Variants in UGT1A6 observed in about 807,000 individuals in gnomAD.
UGT1A6 encodes the protein UDP-glucuronosyltransferase 1A6.
UGT1A6 carries 32 observed loss-of-function variants against 44.4 expected under a neutral mutation model. The ratio of observed to expected loss-of-function variants is 0.72; its 90% CI spans 0.54 to 0.97. UGT1A6 has a LOEUF of 0.97. Ranked by LOEUF, UGT1A6 falls within the 50% of genes least tolerant of loss-of-function variation. UGT1A6 has a pLI of 0.00. For missense variants in UGT1A6, 685 were observed against 661.9 expected (o/e 1.03, Z -0.38); for synonymous variants, 238 against 248.5 (o/e 0.96, Z 0.40).
At chr2:233,744,461 A>T (rs6741543) in intron 1 of UGT1A6, among the ~76,000 whole-genome samples, 5,148 of 151,990 alleles carry the variant, frequency 0.034, 162 homozygotes, top group African/African-American at 0.052. Context: ...ATTAAAACAG[A>T]ATTAAAAAGA....
At chr2:233,716,425 C>T (rs967388404) in intron 1 of UGT1A6, among the ~76,000 whole-genome samples, 13 of 152,316 alleles carry the variant, frequency 8.5e-5, no homozygotes, top group African/African-American at 3.1e-4. Flanking sequence ...TTATTCAAAA[C>T]TTGGAGGTTT....
At chr2:233,715,970 T>C (rs1015053645) in intron 1 of UGT1A6, among the ~76,000 whole-genome samples, 4 of 152,216 alleles carry the variant, frequency 2.6e-5, no homozygotes, top group East Asian at 1.9e-4. Flanking sequence ...GATTGACTGA[T>C]TGATTGATTT....
chr2:233,712,871 CTG>C, intron 1 of UGT1A6: 2 of 1,585,160 alleles, frequency 1.3e-6, no homozygotes, highest in Non-Finnish European at 1.7e-6. Context: ...GGAGGGCACT[CTG>C]TCTTCAATTA....
chr2:233,719,241 C>T (rs754909283), intron 1 of UGT1A6: 36 of 1,614,058 alleles, frequency 2.2e-5, no homozygotes, highest in Middle Eastern at 3.3e-4. Flanking sequence ...GATCAGGCAC[C>T]TGAATGCTAC....
At chr2:233,739,607 G>C (rs1198320819) in intron 1 of UGT1A6, among the ~76,000 whole-genome samples, 2 of 152,134 alleles carry the variant, frequency 1.3e-5, no homozygotes, top group Non-Finnish European at 2.9e-5. Context: ...CCTTTGTTTT[G>C]GCCAGTTTCT....
At chr2:233,735,244 A>C (rs1308474685) in intron 1 of UGT1A6, among the ~76,000 whole-genome samples, 1 of 152,060 alleles carries the variant, frequency 6.6e-6, no homozygotes, top group African/African-American at 2.4e-5. Context: ...CTTGTTGTTG[A>C]ATTGCTCCCT....
intron 1 of UGT1A6, among the ~76,000 whole-genome samples, chr2:233,694,600 T>A (rs1158201480): frequency 6.6e-6 from 1 of 152,238 alleles, no homozygotes; most frequent in Non-Finnish European, 1.5e-5. Flanking sequence ...TTGAAGGGCT[T>A]CAGGCAACTC....
At chr2:233,727,741 T>C (rs1184923085) in intron 1 of UGT1A6, among the ~76,000 whole-genome samples, 1 of 152,232 alleles carries the variant, frequency 6.6e-6, no homozygotes, top group Non-Finnish European at 1.5e-5. Flanking sequence ...TGTGCCATCC[T>C]GCGTGTGCTG....
At chr2:233,729,584 C>T in intron 1 of UGT1A6, 7 of 1,614,090 alleles carry the variant, frequency 4.3e-6, no homozygotes, top group Non-Finnish European at 5.9e-6. Flanking sequence ...TTAACAGACC[C>T]CGTTAACCTC....
chr2:233,712,533 T>C (rs1374295452), intron 1 of UGT1A6, among the ~76,000 whole-genome samples: 1 of 152,156 alleles, frequency 6.6e-6, no homozygotes, highest in Non-Finnish European at 1.5e-5. Flanking sequence ...GTGTTACCCA[T>C]ATGTGGGAAG....
chr2:233,720,952 C>T (rs374895724), intron 1 of UGT1A6, among the ~76,000 whole-genome samples: 224 of 149,770 alleles, frequency 1.5e-3, no homozygotes, highest in African/African-American at 5.2e-3. Flanking sequence ...CTCATGTGAT[C>T]TGCCCGCCTC....
intron 1 of UGT1A6, among the ~76,000 whole-genome samples, chr2:233,714,879 A>C (rs1355340446): frequency 7.1e-6 from 1 of 141,030 alleles, no homozygotes; most frequent in African/African-American, 2.6e-5. Flanking sequence ...CTATCTTTTA[A>C]ATTTTTCTAT....
At chr2:233,736,387 T>C (rs1375947761) in intron 1 of UGT1A6, among the ~76,000 whole-genome samples, 2 of 152,190 alleles carry the variant, frequency 1.3e-5, no homozygotes, top group African/African-American at 2.4e-5. Flanking sequence ...TTCTCTACAG[T>C]GTTTATTCTA....
In UGT1A6 at chr2:233,768,278, C is replaced by T. The variant is rs72551354; in HGVS notation, c.1140C>T (p.Ser380=). The change falls in exon 4 of 5, where the codon AGC becomes AGT. Residue 380 remains serine, a synonymous_variant. Coordinates refer to ENST00000305139, the MANE Select transcript of UGT1A6 (RefSeq NM_001072.4). ...THAGSHGVYE[S]ICNGVPMVMM... is the part of the protein sequence containing the mutation. ...CTGGTTCCCATGGTGTTTATGAAAG[C>T]ATATGCAATGGCGTTCCCATGGTGA... 6.2e-7 allele frequency: 1 copy of T among 1,614,064 alleles called. No individual in the cohort carries two copies. The highest frequency in any genetic ancestry group is 1.3e-5 in the African/African-American group (1 of 74,924).
chr2:233,710,730 G>A (rs192565787), intron 1 of UGT1A6, among the ~76,000 whole-genome samples: 135 of 152,220 alleles, frequency 8.9e-4, no homozygotes, highest in East Asian at 8.5e-3. Context: ...AAAAAACAAC[G>A]TCTTTCAAGG....
intron 1 of UGT1A6, among the ~76,000 whole-genome samples, chr2:233,762,133 C>T (rs1697980653): frequency 6.6e-6 from 1 of 152,096 alleles, no homozygotes. Flanking sequence ...ATGTGGGGAC[C>T]TGTGTGACTT....
At chr2:233,768,588 T>C in intron 4 of UGT1A6, 149 bp downstream of exon 4, 52 of 996,612 alleles carry the variant, frequency 5.2e-5, no homozygotes, top group East Asian at 5.1e-4. Flanking sequence ...TCTTCTTTTT[T>C]TTTTTTTTTT....
At chr2:233,692,730 T>C, upstream of UGT1A6, 1 of 933,346 alleles carries the variant, frequency 1.1e-6, no homozygotes, top group Non-Finnish European at 1.4e-6. Flanking sequence ...CTATAACTTT[T>C]CAGAGAGGGA....
rs186476397 is a variant in UGT1A6, at chr2:233,730,211, C to T, written c.861+36346C>T. Among the ~76,000 whole-genome samples the T allele has an allele frequency of 1.1e-3, 161 of 152,112 alleles. 1 individual carries two copies. The highest frequency in any genetic ancestry group is 3.7e-3 in the African/African-American group (152 of 41,476). On this transcript the variant is annotated intron_variant, in intron 1 of 4. Coordinates refer to ENST00000305139, the MANE Select transcript of UGT1A6 (RefSeq NM_001072.4). ...CACTGAGAGGAAGAGGAAGTAGACA[C>T]GAATGTTTGTAAAAGGATGGACAAG...
Sources: allele counts gnomAD v4.1 joint callset (sites outside exome capture counted in the v4.1 genomes callset), GRCh38; gene constraint gnomAD v4.1.1; transcripts MANE v1.5; gene names NCBI Gene and HGNC (gene_info 2026-07-23, HGNC 2026-07-21).